The following NEK10 variants were observed in gnomAD, a reference collection of about 807,000 sequenced individuals.
NEK10 encodes serine/threonine-protein kinase Nek10.
Under a neutral mutation model 159.8 loss-of-function variants are expected in NEK10, and 122 were observed. The observed-to-expected ratio is 0.76, with a 90% CI of 0.66 to 0.89. The LOEUF is 0.89. Among genes scored for constraint, NEK10 ranks in the 40% least tolerant of loss-of-function variants. The pLI is 0.00. For missense variants in NEK10, 1,342 were observed against 1,323.1 expected (o/e 1.01, Z -0.22); for synonymous variants, 466 against 457.1 (o/e 1.02, Z -0.25).
chr3:27,247,628 T>G (rs1172099938), intron 23 of NEK10, among the ~76,000 whole-genome samples: 1 of 151,994 alleles, frequency 6.6e-6, no homozygotes, highest in Admixed American at 6.6e-5. Flanking sequence ...CTCCACCTCC[T>G]GGACTAAATC....
At chr3:27,364,993 C>G (rs1280468677) in intron 1 of NEK10, among the ~76,000 whole-genome samples, 1 of 152,244 alleles carries the variant, frequency 6.6e-6, no homozygotes, top group Non-Finnish European at 1.5e-5. Flanking sequence ...CAAGGTCCCA[C>G]AGCTGGTAAG....
chr3:27,179,933 T>C, intron 26 of NEK10, among the ~76,000 whole-genome samples: 1 of 151,420 alleles, frequency 6.6e-6, no homozygotes, highest in East Asian at 1.9e-4. Context: ...ATACAAAAAT[T>C]AGCCAGACAT....
chr3:27,309,374 G>A (rs1177260386), intron 9 of NEK10: 1 of 150,416 alleles, frequency 6.6e-6, no homozygotes. Flanking sequence ...GCCCTATCAA[G>A]CCTTATGCAG....
chr3:27,114,114 C>A (rs1401550899), intron 35 of NEK10, among the ~76,000 whole-genome samples: 1 of 152,178 alleles, frequency 6.6e-6, no homozygotes, highest in Non-Finnish European at 1.5e-5. Context: ...GGAAGAGCTA[C>A]GAGGCTGGCC....
In NEK10 at chr3:27,335,244, G is replaced by A. The variant is rs189755611; in HGVS notation, c.362+9028C>T. 4.0e-3 allele frequency among the ~76,000 whole-genome samples: 610 copies of A among 151,820 alleles called. 4 individuals carry two copies. The highest frequency in any genetic ancestry group is 0.031 in the Middle Eastern group (9 of 294). ...AATCCCAGCTACTTGGGAGGCTGAAGCAGGAGATTCGCTTGAACCTGGGAG... is the reference window on the plus strand; with the variant it reads ...AATCCCAGCTACTTGGGAGGCTGAAACAGGAGATTCGCTTGAACCTGGGAG... On this transcript the variant is annotated intron_variant, in intron 5 of 35. Coordinates refer to ENST00000691995, the MANE Select transcript of NEK10 (RefSeq NM_001394966.1).
chr3:27,113,665 CA>C (rs1939951841), intron 35 of NEK10, among the ~76,000 whole-genome samples: 2 of 151,912 alleles, frequency 1.3e-5, no homozygotes, highest in Admixed American at 1.3e-4. Context: ...ATCTGTTTAT[CA>C]TAATAAGAAA....
At chr3:27,333,984 G>A (rs1034566889) in intron 5 of NEK10, among the ~76,000 whole-genome samples, 9 of 152,192 alleles carry the variant, frequency 5.9e-5, no homozygotes, top group African/African-American at 2.2e-4. Flanking sequence ...GTGGCCTAGA[G>A]GTTGCCCCAT....
intron 32 of NEK10, among the ~76,000 whole-genome samples, chr3:27,124,813 G>T (rs1207381727): frequency 1.3e-5 from 2 of 152,234 alleles, no homozygotes; most frequent in African/African-American, 4.8e-5. Flanking sequence ...CACCCAGCAG[G>T]TGGAAATATG....
intron 23 of NEK10, among the ~76,000 whole-genome samples, chr3:27,219,625 T>C (rs954478843): frequency 3.3e-5 from 5 of 152,214 alleles, no homozygotes; most frequent in African/African-American, 1.2e-4. Flanking sequence ...AGAGATTTTG[T>C]TTTTTAATTT....
At chr3:27,224,755 G>A (rs889836450) in intron 23 of NEK10, among the ~76,000 whole-genome samples, 2 of 152,004 alleles carry the variant, frequency 1.3e-5, no homozygotes, top group Admixed American at 6.5e-5. Flanking sequence ...TATGGAACCC[G>A]GGCTAAGATA....
intron 22 of NEK10, among the ~76,000 whole-genome samples, chr3:27,262,705 G>A (rs1264491928): frequency 2.0e-5 from 3 of 152,062 alleles, no homozygotes; most frequent in Middle Eastern, 3.2e-3. Context: ...GGACTTCTCT[G>A]CATTGATTAT....
Position 27,109,578 on chromosome 3 carries a change from C to T in NEK10, c.*1694G>A, listed in dbSNP as rs895294227. On this transcript the variant is annotated 3_prime_UTR_variant, in exon 36 of 36. Coordinates refer to ENST00000691995, the MANE Select transcript of NEK10 (RefSeq NM_001394966.1). ...TTGGGAAATAACTTGATTTCAAACT[C>T]TCACCCCACAATTAGAATTTGTGCC... 4.6e-5 allele frequency among the ~76,000 whole-genome samples: 7 copies of T among 152,128 alleles called. No individual in the cohort carries two copies. The highest frequency in any genetic ancestry group is 7.4e-5 in the Non-Finnish European group (5 of 68,022).
At chr3:27,299,758 A>G (rs761236056) in intron 13 of NEK10, among the ~76,000 whole-genome samples, 4 of 152,250 alleles carry the variant, frequency 2.6e-5, no homozygotes, top group Non-Finnish European at 2.9e-5. Context: ...CATGGAGTCA[A>G]AGGAGATCAT....
intron 3 of NEK10, among the ~76,000 whole-genome samples, chr3:27,347,409 G>C (rs2047634102): frequency 7.1e-6 from 1 of 141,378 alleles, no homozygotes; most frequent in South Asian, 2.2e-4. Context: ...GGCTGAGGCA[G>C]GAGAATCACT....
chr3:27,295,398 C>G (rs527518469), intron 15 of NEK10, among the ~76,000 whole-genome samples: 69 of 152,248 alleles, frequency 4.5e-4, no homozygotes, highest in African/African-American at 1.6e-3. Flanking sequence ...AATAAATCAC[C>G]TAATTCTCCC....
intron 23 of NEK10, among the ~76,000 whole-genome samples, chr3:27,204,644 AT>A (rs1287480709): frequency 8.7e-6 from 1 of 114,688 alleles, no homozygotes; most frequent in African/African-American, 3.1e-5. Context: ...TGAACTCATC[AT>A]TTTTTATGGC....
intron 23 of NEK10, among the ~76,000 whole-genome samples, chr3:27,221,205 T>A (rs1442579886): frequency 1.7e-4 from 26 of 152,230 alleles, no homozygotes; most frequent in Non-Finnish European, 4.4e-5. Context: ...CAAAGGACAT[T>A]ATCAAGACAA....
At chr3:27,305,725 A>C (rs1174379780) in intron 11 of NEK10, among the ~76,000 whole-genome samples, 1 of 152,184 alleles carries the variant, frequency 6.6e-6, no homozygotes, top group African/African-American at 2.4e-5. Flanking sequence ...ACTACAATGC[A>C]GGTAAGTTAA....
chr3:27,350,129 A>G (rs1368111947), intron 3 of NEK10, among the ~76,000 whole-genome samples: 1 of 152,210 alleles, frequency 6.6e-6, no homozygotes, highest in African/African-American at 2.4e-5. Context: ...ACAACTTGTT[A>G]GCGCAGAAAT....
Sources: allele counts gnomAD v4.1 joint callset (sites outside exome capture counted in the v4.1 genomes callset), GRCh38; gene constraint gnomAD v4.1.1; transcripts MANE v1.5; gene names NCBI Gene and HGNC (gene_info 2026-07-23, HGNC 2026-07-21).